The following TENM3 variants were observed in gnomAD, a reference collection of about 807,000 sequenced individuals.
The protein encoded by TENM3 is teneurin-3.
In TENM3, 63 loss-of-function variants were observed where a neutral mutation model predicts 255.1. The observed-to-expected ratio is 0.25, with a 90% CI of 0.20 to 0.30. TENM3 has a LOEUF of 0.30. Ranked by LOEUF, TENM3 falls within the 10% of genes least tolerant of loss-of-function variation. TENM3 has a pLI of 1.00. For synonymous variants in TENM3, 1,306 were observed against 1,322.3 expected, an observed-to-expected ratio of 0.99 and a Z score of 0.27; for missense variants, 2,929 against 3,461.1, an observed-to-expected ratio of 0.85 and a Z score of 3.86.
chr4:181,472,909 G>A, the TENM3 span, among the ~76,000 whole-genome samples: 58 of 152,118 alleles, frequency 3.8e-4, no homozygotes, highest in African/African-American at 1.4e-3. Context: ...AAGAATAAAT[G>A]GAATTCATAC....
At chr4:182,384,823 T>G (rs1767800963) in intron 3 of TENM3, among the ~76,000 whole-genome samples, 1 of 152,100 alleles carries the variant, frequency 6.6e-6, no homozygotes, top group Non-Finnish European at 1.5e-5. Flanking sequence ...CTTGCCCACA[T>G]TCCACATTTC....
At chr4:181,663,422 A>G in the TENM3 span, among the ~76,000 whole-genome samples, 1 of 152,150 alleles carries the variant, frequency 6.6e-6, no homozygotes, top group African/African-American at 2.4e-5. Context: ...ACGGTTTTTA[A>G]AATTCATCAA....
the TENM3 span, among the ~76,000 whole-genome samples, chr4:182,069,755 C>T: frequency 2.0e-3 from 303 of 151,932 alleles, 3 homozygotes; most frequent in African/African-American, 5.8e-3. Context: ...AGAATCAGGT[C>T]ATGACAGCTC....
chr4:182,449,057 GCCA>G, intron 3 of TENM3: 1 of 357,878 alleles, frequency 2.8e-6, no homozygotes, highest in South Asian at 1.9e-5. Context: ...GTTCCTCACG[GCCA>G]CAGCGAGGGC....
chr4:181,483,153 C>A, the TENM3 span, among the ~76,000 whole-genome samples: 1 of 152,054 alleles, frequency 6.6e-6, no homozygotes, highest in African/African-American at 2.4e-5. Flanking sequence ...TATCTACTGG[C>A]AGATTGAGAT....
chr4:182,237,143 C>T (rs1423066300), intron 1 of TENM3, among the ~76,000 whole-genome samples: 2 of 152,092 alleles, frequency 1.3e-5, no homozygotes, highest in Admixed American at 6.5e-5. Flanking sequence ...AGGATAGTGG[C>T]GTCCAGCTCC....
intron 12 of TENM3, among the ~76,000 whole-genome samples, chr4:182,698,784 C>T (rs141893829): frequency 2.7e-4 from 41 of 152,282 alleles, no homozygotes; most frequent in East Asian, 3.9e-4. Context: ...GCTAGAGCTG[C>T]GTGGTTTCAT....
chr4:182,334,144 A>T (rs941024393), intron 2 of TENM3, among the ~76,000 whole-genome samples: 1 of 145,874 alleles, frequency 6.9e-6, no homozygotes, highest in Non-Finnish European at 1.5e-5. Context: ...ACCTGTTATT[A>T]ATATCTACTG....
the TENM3 span, among the ~76,000 whole-genome samples, chr4:181,818,375 C>G: frequency 6.6e-6 from 1 of 152,082 alleles, no homozygotes; most frequent in African/African-American, 2.4e-5. Context: ...ATAAATTCTG[C>G]CTGGGTACTG....
the TENM3 span, among the ~76,000 whole-genome samples, chr4:182,100,706 TAC>T: frequency 2.3e-4 from 4 of 17,350 alleles, no homozygotes; most frequent in African/African-American, 6.2e-4. Flanking sequence ...CACATATATA[TAC>T]ACACATATAT....
the TENM3 span, among the ~76,000 whole-genome samples, chr4:181,879,565 G>A: frequency 6.6e-6 from 1 of 152,286 alleles, no homozygotes; most frequent in East Asian, 1.9e-4. Flanking sequence ...CTTCTCATGG[G>A]AAAGTGTTTA....
the TENM3 span, among the ~76,000 whole-genome samples, chr4:181,484,626 G>C: frequency 2.1e-4 from 32 of 152,136 alleles, no homozygotes; most frequent in African/African-American, 6.3e-4. Context: ...CTTACAGTAA[G>C]TGTTTAATTA....
chr4:182,052,954 C>G, the TENM3 span, among the ~76,000 whole-genome samples: 5 of 152,076 alleles, frequency 3.3e-5, no homozygotes, highest in African/African-American at 1.2e-4. Context: ...TCAAATATAG[C>G]ATTTTAGCAG....
chr4:182,604,951 T>TA (rs1748264376), intron 4 of TENM3, among the ~76,000 whole-genome samples: 1 of 152,286 alleles, frequency 6.6e-6, no homozygotes, highest in Admixed American at 6.5e-5. Context: ...TTAACGTCGT[T>TA]AAAAAAACAG....
chr4:181,655,817 T>G, the TENM3 span, among the ~76,000 whole-genome samples: 2 of 152,206 alleles, frequency 1.3e-5, no homozygotes, highest in Non-Finnish European at 2.9e-5. Context: ...GAACTGAAAG[T>G]AAGCTTATCA....
the TENM3 span, among the ~76,000 whole-genome samples, chr4:181,453,006 A>G: frequency 1.3e-5 from 2 of 152,226 alleles, no homozygotes; most frequent in Admixed American, 6.5e-5. Context: ...GTGATTGCCC[A>G]GCACTACTGA....
intron 3 of TENM3, among the ~76,000 whole-genome samples, chr4:182,529,442 G>A (rs1023778089): frequency 1.3e-5 from 2 of 152,150 alleles, no homozygotes; most frequent in Non-Finnish European, 2.9e-5. Flanking sequence ...CATCTGGAAA[G>A]ACAGGCCTTT....
At chr4:181,864,747 A>C in the TENM3 span, among the ~76,000 whole-genome samples, 1 of 152,178 alleles carries the variant, frequency 6.6e-6, no homozygotes, top group African/African-American at 2.4e-5. Context: ...CTAATATTCC[A>C]GATGGGGAAT....
the TENM3 span, among the ~76,000 whole-genome samples, chr4:181,977,628 A>G: frequency 2.0e-5 from 3 of 152,338 alleles, no homozygotes; most frequent in East Asian, 5.8e-4. Flanking sequence ...GAGAACCACA[A>G]GAGAGGCCTA....
Sources: allele counts gnomAD v4.1 joint callset (sites outside exome capture counted in the v4.1 genomes callset), GRCh38; gene constraint gnomAD v4.1.1; transcripts MANE v1.5; gene names NCBI Gene and HGNC (gene_info 2026-07-23, HGNC 2026-07-21).